Variants in SAMD4A observed in about 807,000 individuals in gnomAD.
SAMD4A encodes the protein protein Smaug homolog 1.
In SAMD4A, 33 loss-of-function variants were observed where a neutral mutation model predicts 81.3. That is an observed-to-expected ratio of 0.41 (90% CI 0.31 to 0.54). SAMD4A has a LOEUF of 0.54. Ranked by LOEUF, SAMD4A falls within the 20% of genes least tolerant of loss-of-function variation. SAMD4A has a pLI of 0.37. For synonymous variants in SAMD4A, 389 were observed against 382.1 expected (o/e 1.02, Z -0.21); for missense variants, 854 against 951.1 (o/e 0.90, Z 1.34).
At chr14:54,783,495 T>C (rs1046740970) in intron 11 of SAMD4A, among the ~76,000 whole-genome samples, 1 of 152,042 alleles carries the variant, frequency 6.6e-6, no homozygotes, top group African/African-American at 2.4e-5. Flanking sequence ...TTCCAGGTGG[T>C]AGAGGGGAGA....
At chr14:54,769,948 GCTC>G (rs1409666772) in intron 8 of SAMD4A, among the ~76,000 whole-genome samples, 153 bp from the exon 9 acceptor site, 1 of 152,176 alleles carries the variant, frequency 6.6e-6, no homozygotes, top group African/African-American at 2.4e-5. Context: ...AAATAGGGCA[GCTC>G]CCAAATTAAA....
intron 3 of SAMD4A, among the ~76,000 whole-genome samples, chr14:54,736,257 A>T (rs1416146946): frequency 1.3e-5 from 2 of 152,228 alleles, no homozygotes; most frequent in Non-Finnish European, 2.9e-5. Context: ...ACTGTGTAGA[A>T]GGGCTGAACA....
chr14:54,767,160 A>G (rs1020114711), intron 8 of SAMD4A, among the ~76,000 whole-genome samples: 2 of 152,186 alleles, frequency 1.3e-5, no homozygotes, highest in African/African-American at 2.4e-5. Context: ...AGCTGTCTGA[A>G]TAATTTTCCA....
At chr14:54,639,127 C>G (rs1050674609) in intron 2 of SAMD4A, among the ~76,000 whole-genome samples, 3 of 152,158 alleles carry the variant, frequency 2.0e-5, no homozygotes, top group Admixed American at 1.3e-4. Flanking sequence ...TTACTTTAAT[C>G]CCTCCAAGCT....
chr14:54,775,765 G>C (rs2181048), intron 10 of SAMD4A, among the ~76,000 whole-genome samples: 1 of 151,842 alleles, frequency 6.6e-6, no homozygotes, highest in Non-Finnish European at 1.5e-5. Flanking sequence ...TAGGTCTGAG[G>C]TTCTGGGGTC....
chr14:54,721,376 T>G (rs1256308825), intron 3 of SAMD4A, among the ~76,000 whole-genome samples: 1 of 152,226 alleles, frequency 6.6e-6, no homozygotes, highest in Non-Finnish European at 1.5e-5. Flanking sequence ...TATTTCAATT[T>G]TGAGGGTTAG....
chr14:54,787,639 T>C lies in SAMD4A; in HGVS notation c.2129-1277T>C, dbSNP rs116534757. ...GCCAGGGAGGCACCCCACAGCCCTGTCTCACCCACATTTAGTGGTCACTGA... is the reference window on the plus strand; with the variant it reads ...GCCAGGGAGGCACCCCACAGCCCTGCCTCACCCACATTTAGTGGTCACTGA... On this transcript the variant is annotated intron_variant, in intron 12 of 12. Transcript: ENST00000554335. Among the ~76,000 whole-genome samples, 787 of 152,316 alleles carry C rather than the reference T, an allele frequency of 5.2e-3. 12 individuals are homozygous for C. The highest frequency in any genetic ancestry group is 0.018 in the African/African-American group (745 of 41,564).
At chr14:54,676,867 C>T (rs2036004796) in intron 2 of SAMD4A, among the ~76,000 whole-genome samples, 1 of 152,158 alleles carries the variant, frequency 6.6e-6, no homozygotes, top group Non-Finnish European at 1.5e-5. Context: ...TTTCCAAAAC[C>T]GAAATGGCAG....
chr14:54,732,738 G>A (rs1293327060), intron 3 of SAMD4A, among the ~76,000 whole-genome samples: 1 of 152,120 alleles, frequency 6.6e-6, no homozygotes, highest in African/African-American at 2.4e-5. Context: ...TGACAGTGAG[G>A]TATGTATTTA....
chr14:54,707,198 G>C (rs1180303996), intron 3 of SAMD4A, among the ~76,000 whole-genome samples: 1 of 150,838 alleles, frequency 6.6e-6, no homozygotes, highest in Non-Finnish European at 1.5e-5. Flanking sequence ...CAACCTCCTG[G>C]ACTCAAGCAA....
At chr14:54,772,054 T>C (rs770726810) in intron 9 of SAMD4A, among the ~76,000 whole-genome samples, 35 of 152,238 alleles carry the variant, frequency 2.3e-4, no homozygotes, top group Non-Finnish European at 2.9e-4. Context: ...CTGGAAAATG[T>C]TTTATACTCA....
intron 2 of SAMD4A, among the ~76,000 whole-genome samples, chr14:54,582,933 A>G (rs2033511076): frequency 6.6e-6 from 1 of 152,154 alleles, no homozygotes; most frequent in South Asian, 2.1e-4. Flanking sequence ...TAACTTTTGT[A>G]TAGCTTAAAA....
At chr14:54,614,030 A>G (rs2140277240) in intron 2 of SAMD4A, among the ~76,000 whole-genome samples, 1 of 152,348 alleles carries the variant, frequency 6.6e-6, no homozygotes, top group African/African-American at 2.4e-5. Context: ...CTATTGAAAT[A>G]CTGCTTCCTT....
At chr14:54,660,353 C>T (rs983525432) in intron 2 of SAMD4A, among the ~76,000 whole-genome samples, 2 of 152,190 alleles carry the variant, frequency 1.3e-5, no homozygotes, top group Admixed American at 1.3e-4. Context: ...GGACATAAGC[C>T]AGCCCAGGCA....
Position 54,583,278 on chromosome 14 carries a change from G to A in SAMD4A, c.196+15166G>A, listed in dbSNP as rs949016345. 4.6e-5 allele frequency among the ~76,000 whole-genome samples: 7 copies of A among 152,288 alleles called. No individual in the cohort carries two copies. In the East Asian group the frequency reaches 1.2e-3, roughly 25 times the overall value. On this transcript the variant is annotated intron_variant, in intron 2 of 12. Coordinates refer to ENST00000554335, the MANE Select transcript of SAMD4A (RefSeq NM_015589.6). ...CAGCTAAATTTGAACTGCGAATGGG[G>A]CATACTTATACCACATATACTAGAA...
At chr14:54,673,850 C>T (rs1014622716) in intron 2 of SAMD4A, among the ~76,000 whole-genome samples, 5 of 152,222 alleles carry the variant, frequency 3.3e-5, no homozygotes, top group Non-Finnish European at 7.3e-5. Context: ...ATGGCTATCG[C>T]TCTTAAACTT....
At chr14:54,602,631 A>G (rs930328912) in intron 2 of SAMD4A, among the ~76,000 whole-genome samples, 8 of 149,754 alleles carry the variant, frequency 5.3e-5, no homozygotes, top group Non-Finnish European at 1.0e-4. Flanking sequence ...GGGACATCAC[A>G]CACCGGGGCC....
Position 54,712,560 on chromosome 14 carries a change from G to A in SAMD4A, c.715+9980G>A, listed in dbSNP as rs530180510. On this transcript the variant is annotated intron_variant, in intron 3 of 12. Transcript: ENST00000554335. The stretch of plus-strand genomic sequence containing the variant: ...AGAGGACTCGATGTTGCCACCGGCT[G>A]ATCCTTCTCCTGTTTCCAAGAGTCC... Among the ~76,000 whole-genome samples the A allele has an allele frequency of 3.5e-4, 53 of 152,278 alleles. No homozygotes were observed. In the South Asian group the frequency reaches 0.011, roughly 31 times the overall value.
At chr14:54,697,944 A>G (rs558953710) in intron 2 of SAMD4A, among the ~76,000 whole-genome samples, 8 of 152,320 alleles carry the variant, frequency 5.3e-5, no homozygotes, top group African/African-American at 1.9e-4. Flanking sequence ...ATGTCACAAC[A>G]TGGCAGCTGG....
Sources: allele counts gnomAD v4.1 joint callset (sites outside exome capture counted in the v4.1 genomes callset), GRCh38; gene constraint gnomAD v4.1.1; transcripts MANE v1.5; gene names NCBI Gene and HGNC (gene_info 2026-07-23, HGNC 2026-07-21).